COL6A5: variants seen among roughly 807,000 people sequenced by gnomAD.
COL6A5 encodes collagen alpha-5(VI) chain.
Under a neutral mutation model 65.6 loss-of-function variants are expected in COL6A5, and 48 were observed. That is an observed-to-expected ratio of 0.73 (90% CI 0.58 to 0.93). The LOEUF (loss-of-function observed/expected upper bound fraction) is 0.93, where lower values mean the gene tolerates loss of function less well. Ranked by LOEUF, COL6A5 falls within the 40% of genes least tolerant of loss-of-function variation. The probability of loss-of-function intolerance (pLI) is 0.00; values close to 1 mark genes in which losing one functional copy is unlikely to be tolerated. For synonymous variants in COL6A5, 291 were observed against 322.8 expected, an observed-to-expected ratio of 0.90 and a Z score of 1.05; for missense variants, 914 against 928.3, an observed-to-expected ratio of 0.98 and a Z score of 0.20.
chr3:130,380,418 C>T (rs915858390), intron 4 of COL6A5, among the ~76,000 whole-genome samples: 2 of 151,672 alleles, frequency 1.3e-5, no homozygotes, highest in Non-Finnish European at 2.9e-5. Flanking sequence ...CTTTTCTGTC[C>T]CTCTCTCTTT....
At chr3:130,484,092 A>C in exon 8 of COL6A5, 1 of 1,591,896 alleles carries the variant, frequency 6.3e-7, no homozygotes, top group Non-Finnish European at 8.6e-7. Flanking sequence ...TGACATGTAT[A>C]ATCCCATGTG....
At chr3:130,379,628 C>T in exon 4 of COL6A5, 1 of 1,551,464 alleles carries the variant, frequency 6.4e-7, no homozygotes, top group Non-Finnish European at 8.7e-7. Context: ...AAATCAAGCA[C>T]AACCCAATCT....
intron 7 of COL6A5, among the ~76,000 whole-genome samples, chr3:130,473,022 A>G (rs1285087655): frequency 6.6e-6 from 1 of 150,766 alleles, no homozygotes; most frequent in African/African-American, 2.4e-5. Flanking sequence ...TATAGGAAAA[A>G]TAGGAAAAAT....
At chr3:130,467,426 A>C (rs1709842957) in intron 5 of COL6A5, among the ~76,000 whole-genome samples, 2 of 152,034 alleles carry the variant, frequency 1.3e-5, no homozygotes, top group Admixed American at 1.3e-4. Context: ...GTAGATTTGG[A>C]ATGTTCCCAA....
At chr3:130,395,096 C>CA (rs1412539112) in exon 8 of COL6A5, 3 of 1,551,598 alleles carry the variant, frequency 1.9e-6, no homozygotes, top group Non-Finnish European at 2.6e-6. Context: ...GACTAAAACC[C>CA]AGTGGAAGAC....
chr3:130,429,473 C>T, upstream of COL6A5: 1 of 1,071,548 alleles, frequency 9.3e-7, no homozygotes, highest in Non-Finnish European at 1.3e-6. Context: ...TGCAGTTAGA[C>T]TCAAATAACA....
chr3:130,385,489 A>G lies in COL6A5; in HGVS notation c.1861+125A>G. 4 of 1,007,650 alleles carry G rather than the reference A, an allele frequency of 4.0e-6. No individual in the cohort carries two copies. In the Admixed American group the frequency reaches 1.1e-4, roughly 29 times the overall value. 62.4% of individuals were successfully genotyped at this position (1,007,650 alleles called of 1,614,324 possible). A position where few individuals can be genotyped will look rare whatever the true frequency, so the allele number is the denominator to read the frequency against. Reference sequence around the variant, plus strand: ...GGATAACATTTTGCTAGCTTCCTTTATTACCATGGAGGGATTCAGCCCCTC... The same window carrying G: ...GGATAACATTTTGCTAGCTTCCTTTGTTACCATGGAGGGATTCAGCCCCTC... On this transcript the variant is annotated intron_variant and NMD_transcript_variant, in intron 5 of 41. Coordinates refer to the COL6A5 transcript ENST00000312481.
At chr3:130,375,560 C>T (rs976873811) in intron 2 of COL6A5, among the ~76,000 whole-genome samples, 2 of 152,158 alleles carry the variant, frequency 1.3e-5, no homozygotes, top group Non-Finnish European at 2.9e-5. Flanking sequence ...TACTCTATAA[C>T]GTTTTCAAAA....
At chr3:130,409,243 C>T (rs1937097558) in intron 17 of COL6A5, 83 bp from the exon 18 acceptor site, 2 of 976,474 alleles carry the variant, frequency 2.0e-6, no homozygotes, top group African/African-American at 1.6e-5. Context: ...CTGATTAACC[C>T]CCCTACATAC....
chr3:130,439,461 G>A, intron 1 of COL6A5, 61 bp from the exon 34 acceptor site: 1 of 1,209,964 alleles, frequency 8.3e-7, no homozygotes, highest in Non-Finnish European at 1.2e-6. Context: ...TCCTTAAAGT[G>A]GTTTCCTACT....
intron 20 of COL6A5, chr3:130,410,524 GGTAA>G: frequency 3.2e-6 from 5 of 1,549,948 alleles, no homozygotes; most frequent in Non-Finnish European, 4.4e-6. Context: ...GAGGCAGCAG[GGTAA>G]GTATTTCTGT....
intron 7 of COL6A5, among the ~76,000 whole-genome samples, chr3:130,393,077 TGTGTGTGTGTG>T (rs1286908344): frequency 7.7e-4 from 56 of 73,200 alleles, no homozygotes; most frequent in African/African-American, 4.5e-3. Flanking sequence ...GTTTTTTTTT[TGTGTGTGTGTG>T]TGTGTGTGTG....
intron 1 of COL6A5, among the ~76,000 whole-genome samples, chr3:130,351,194 TGAAAC>T (rs1934691256): frequency 2.0e-5 from 3 of 152,174 alleles, no homozygotes; most frequent in Admixed American, 2.0e-4. Flanking sequence ...ATGTTAGACC[TGAAAC>T]CATAAGATCC....
At chr3:130,413,615 A>G (rs1937246945) in intron 21 of COL6A5, 35 bp downstream of exon 21, 1 of 1,541,770 alleles carries the variant, frequency 6.5e-7, no homozygotes, top group Non-Finnish European at 8.8e-7. Flanking sequence ...TCTGTGGTTG[A>G]TGGGACCAAG....
intron 7 of COL6A5, among the ~76,000 whole-genome samples, chr3:130,476,326 C>A (rs1710097180): frequency 6.6e-6 from 1 of 152,036 alleles, no homozygotes; most frequent in African/African-American, 2.4e-5. Flanking sequence ...TAAATGCCTC[C>A]TTAAGGGCCC....
chr3:130,411,002 A>G (rs1223497010), intron 20 of COL6A5, among the ~76,000 whole-genome samples: 12 of 152,200 alleles, frequency 7.9e-5, no homozygotes, highest in Admixed American at 7.9e-4. Context: ...TGAACTAGGT[A>G]AATATACTTT....
intron 1 of COL6A5, 88 bp from the exon 34 acceptor site, chr3:130,439,434 G>T: frequency 2.8e-5 from 21 of 758,456 alleles, no homozygotes; most frequent in African/African-American, 5.4e-5. Flanking sequence ...TGATTAGTTG[G>T]GTGTTTTTTA....
rs6791196 is a variant in COL6A5 at position 130,347,861 on chromosome 3, G to A, written c.-29+1880G>A. ...AGATCCAGTACACACTGAGCAAGTGGAAAGTGCAAAGGAAGAGGAGTTGGG... is the reference window on the plus strand; with the variant it reads ...AGATCCAGTACACACTGAGCAAGTGAAAAGTGCAAAGGAAGAGGAGTTGGG... On this transcript the variant is annotated intron_variant and NMD_transcript_variant, in intron 1 of 41. Coordinates refer to the COL6A5 transcript ENST00000312481. Among the ~76,000 whole-genome samples the A allele has an allele frequency of 2.9e-3, 446 of 152,252 alleles. 2 individuals are homozygous for A. The highest frequency in any genetic ancestry group is 5.2e-3 in the Non-Finnish European group (356 of 68,010).
At chr3:130,398,097 G>A (rs1559879197) in exon 10 of COL6A5, 1 of 1,543,396 alleles carries the variant, frequency 6.5e-7, no homozygotes, top group Non-Finnish European at 8.8e-7. Context: ...CAATCAGACA[G>A]GCTCAGAGAA....
Sources: gnomAD v4.1 joint callset for allele counts (sites outside exome capture counted in the v4.1 genomes callset) on GRCh38, gnomAD v4.1.1 for gene constraint, MANE v1.5 for transcripts, NCBI Gene and HGNC (gene_info 2026-07-23, HGNC 2026-07-21) for gene names.